The following CFAP276 variants were observed in gnomAD, a reference collection of about 807,000 sequenced individuals.
CFAP276 encodes the protein cilia and flagella associated protein 276, also known as cilia- and flagella-associated protein 276.
chr1:109,108,179 G>A, the CFAP276 span: 1 of 683,658 alleles, frequency 1.5e-6, no homozygotes, highest in Non-Finnish European at 2.6e-6. Context: ...ATCTCACTCT[G>A]TCATAGAAGC....
chr1:109,107,933 ATAG>A, the CFAP276 span: 8 of 1,609,208 alleles, frequency 5.0e-6, no homozygotes, highest in South Asian at 8.8e-5. Flanking sequence ...CGGGATCAAA[ATAG>A]TAGGCATCCC....
the CFAP276 span, among the ~76,000 whole-genome samples, chr1:109,112,172 T>C: frequency 0.32 from 48,936 of 151,922 alleles, 10,270 homozygotes; most frequent in African/African-American, 0.59. Flanking sequence ...AACAAACATA[T>C]TGTGGTGTTA....
the CFAP276 span, among the ~76,000 whole-genome samples, chr1:109,108,583 T>A: frequency 6.6e-6 from 1 of 151,420 alleles, no homozygotes. Flanking sequence ...AGGTGTGGAG[T>A]GGGATGAGGG....
At chr1:109,110,075 A>C in the CFAP276 span, among the ~76,000 whole-genome samples, 1 of 152,160 alleles carries the variant, frequency 6.6e-6, no homozygotes, top group South Asian at 2.1e-4. Context: ...TCAAGCATGA[A>C]TGCCATCTTT....
chr1:109,106,963 TG>T, the CFAP276 span: 1 of 1,435,518 alleles, frequency 7.0e-7, no homozygotes, highest in Non-Finnish European at 9.8e-7. Context: ...TATGACTGGA[TG>T]GCAGCATGTT....
At chr1:109,107,074 G>A in the CFAP276 span, 5 of 1,614,148 alleles carry the variant, frequency 3.1e-6, no homozygotes, top group Non-Finnish European at 3.4e-6. Context: ...GTCCCAGTGT[G>A]GTGGTTGTAC....
chr1:109,110,336 C>G, the CFAP276 span, among the ~76,000 whole-genome samples: 5 of 152,304 alleles, frequency 3.3e-5, no homozygotes, highest in East Asian at 9.6e-4. Context: ...TTCCCATACC[C>G]TCTTTAGCTC....
At chr1:109,106,436 CT>C in the CFAP276 span, 1 of 1,441,818 alleles carries the variant, frequency 6.9e-7, no homozygotes, top group Admixed American at 2.1e-5. Flanking sequence ...TATCCTTCAT[CT>C]TCCCTACTGT....
chr1:109,112,683 TA>T, the CFAP276 span: 1 of 1,550,062 alleles, frequency 6.5e-7, no homozygotes, highest in African/African-American at 1.4e-5. Flanking sequence ...GAGGCATGGC[TA>T]AATGCCTAAC....
At chr1:109,113,656 G>T in the CFAP276 span, 2 of 1,614,154 alleles carry the variant, frequency 1.2e-6, no homozygotes, top group African/African-American at 1.3e-5. Flanking sequence ...AGGCGACGAC[G>T]TCTGGAGGGT....
chr1:109,106,176 AT>A, the CFAP276 span: 2 of 1,214,182 alleles, frequency 1.6e-6, no homozygotes, highest in Non-Finnish European at 2.4e-6. Flanking sequence ...ACATCAATAC[AT>A]TTGTAGGTAC....
chr1:109,108,188 G>A, the CFAP276 span: 1 of 665,856 alleles, frequency 1.5e-6, no homozygotes, highest in Non-Finnish European at 2.7e-6. Context: ...TGTCATAGAA[G>A]CTGGAGTGCA....
the CFAP276 span, among the ~76,000 whole-genome samples, chr1:109,107,725 CA>C: frequency 9.1e-5 from 13 of 143,522 alleles, no homozygotes; most frequent in East Asian, 6.2e-4. Context: ...CTCATCTCTT[CA>C]AAAAAAAAAA....
chr1:109,106,408 C>A, the CFAP276 span: 18 of 1,256,848 alleles, frequency 1.4e-5, no homozygotes, highest in South Asian at 2.7e-4. Flanking sequence ...TTAATCATTG[C>A]TTTCCAAGAC....
chr1:109,113,629 G>A, the CFAP276 span: 3 of 1,613,682 alleles, frequency 1.9e-6, no homozygotes, highest in African/African-American at 1.3e-5. Flanking sequence ...GAGGGAACAC[G>A]TACTGGGGCC....
chr1:109,106,221 C>G, the CFAP276 span: 1 of 876,276 alleles, frequency 1.1e-6, no homozygotes, highest in Non-Finnish European at 1.8e-6. Flanking sequence ...CTGGGAAAAC[C>G]GGCATATGGA....
chr1:109,106,415 A>G, the CFAP276 span: 4 of 1,306,840 alleles, frequency 3.1e-6, no homozygotes, highest in Non-Finnish European at 4.2e-6. Context: ...TTGCTTTCCA[A>G]GACCCACAGA....
chr1:109,106,827 G>A, the CFAP276 span: 65,667 of 914,792 alleles, frequency 0.072, 2,903 homozygotes, highest in Non-Finnish European at 0.086. Context: ...AATCTTGGGA[G>A]ATTTCTGTTC....
chr1:109,106,999 C>T, the CFAP276 span: 1 of 1,605,798 alleles, frequency 6.2e-7, no homozygotes. Flanking sequence ...TCTGCCTCTA[C>T]CACTTACCTA....
Sources: allele counts gnomAD v4.1 joint callset (sites outside exome capture counted in the v4.1 genomes callset), GRCh38; gene constraint gnomAD v4.1.1; transcripts MANE v1.5; gene names NCBI Gene and HGNC (gene_info 2026-07-23, HGNC 2026-07-21).